Variants in ABCG1 observed in about 807,000 individuals in gnomAD.
ABCG1 encodes the protein ATP-binding cassette sub-family G member 1.
ABCG1 carries 29 observed loss-of-function variants against 69.2 expected under a neutral mutation model. The observed-to-expected ratio is 0.42, with a 90% CI of 0.31 to 0.57. ABCG1 has a LOEUF of 0.57. Ranked by LOEUF, ABCG1 falls within the 20% of genes least tolerant of loss-of-function variation. The probability of loss-of-function intolerance (pLI) is 0.15; values close to 1 mark genes in which losing one functional copy is unlikely to be tolerated. For synonymous variants in ABCG1, 370 were observed against 374.8 expected (o/e 0.99, Z 0.15); for missense variants, 718 against 898.1 (o/e 0.80, Z 2.56).
In ABCG1 at chr21:42,282,323, G is replaced by A. The variant is rs772470306; in HGVS notation, c.638G>A (p.Arg213Gln). The change falls in exon 6 of 15, where the codon CGG (arginine) becomes CAG (glutamine). Residue 213 changes from arginine (R) to glutamine (Q), a missense_variant. Arg to Gln is a conservative substitution (Grantham distance 43). This residue lies in a region of ABCG1 where 514 missense variants were observed against 574.3 expected (regional missense o/e 0.90). Coordinates refer to ENST00000398449, the MANE Select transcript of ABCG1 (RefSeq NM_016818.3). ...GGCTTGCTGTCTTGCGCCAACACGC[G>A]GACCGGGAGCCTGTCAGGTGGTCAG... ...ALGLLSCANT[R>Q]TGSLSGGQRK... 3.7e-6 allele frequency: 6 copies of A among 1,613,384 alleles called. No individual in the cohort carries two copies. Among genetic ancestry groups the A allele is most frequent in the East Asian group, 2.2e-5 (1 of 44,880 alleles).
At position 42,219,220 on chromosome 21, in the gene ABCG1, TCCC is replaced by T. The variant is rs2067680279; in HGVS notation, c.-41_-39del. The stretch of plus-strand genomic sequence containing the variant: ...CCTCGGCCCCGCAGCTCAAGCCTCG[TCCC>T]CGCCGCCGCCGCCGCCGCCGCCGCC... On this transcript the variant is annotated 5_prime_UTR_variant, in exon 1 of 15. Transcript: ENST00000398449. The surrounding 1 kb of genome is among the most constrained non-coding windows in gnomAD (Gnocchi z 5.3). The T allele has an allele frequency of 7.1e-7, 1 of 1,401,334 alleles. No individual in the cohort carries two copies. The highest frequency in any genetic ancestry group is 9.5e-7 in the Non-Finnish European group (1 of 1,050,858). 86.8% of individuals were successfully genotyped at this position (1,401,334 alleles called of 1,614,324 possible). A position where few individuals can be genotyped will look rare whatever the true frequency, so the allele number is the denominator to read the frequency against.
At chr21:42,275,170 A>G (rs1569231581) in intron 4 of ABCG1, among the ~76,000 whole-genome samples, 1 of 152,154 alleles carries the variant, frequency 6.6e-6, no homozygotes, top group Non-Finnish European at 1.5e-5. Context: ...TAGCTCAGCA[A>G]AGAGAAGCAG....
At chr21:42,248,118 A>T (rs1477173301) in intron 2 of ABCG1, among the ~76,000 whole-genome samples, 1 of 152,246 alleles carries the variant, frequency 6.6e-6, no homozygotes, top group Non-Finnish European at 1.5e-5. Flanking sequence ...TAGGAAGCAT[A>T]GAGAGGAGGA....
chr21:42,225,552 C>A, intron 1 of ABCG1, 119 bp from the exon 2 acceptor site: 1 of 1,275,440 alleles, frequency 7.8e-7, no homozygotes, highest in Non-Finnish European at 1.1e-6. Flanking sequence ...GGTGCTCCTG[C>A]AGTGGAAGAA....
At chr21:42,262,551 G>A (rs535739375) in intron 2 of ABCG1, among the ~76,000 whole-genome samples, 3 of 152,252 alleles carry the variant, frequency 2.0e-5, no homozygotes, top group African/African-American at 7.2e-5. Flanking sequence ...TATTTCATGC[G>A]ATATCAGACT....
intron 2 of ABCG1, among the ~76,000 whole-genome samples, chr21:42,254,089 G>A (rs1040065591): frequency 3.3e-5 from 5 of 152,192 alleles, no homozygotes; most frequent in African/African-American, 4.8e-5. Context: ...GGGGGCAGTG[G>A]AGGGATGGAG....
At chr21:42,211,181 A>G (rs2123473281), upstream of ABCG1, among the ~76,000 whole-genome samples, 1 of 152,108 alleles carries the variant, frequency 6.6e-6, no homozygotes. Flanking sequence ...GATGGTCTCA[A>G]TCTCTTGACC....
chr21:42,296,218 G>C lies in ABCG1; in HGVS notation c.1827G>C (p.Leu609=). 6.2e-7 allele frequency: 1 copy of C among 1,614,094 alleles called. No individual in the cohort carries two copies. The highest frequency in any genetic ancestry group is 8.5e-7 in the Non-Finnish European group (1 of 1,180,006). ...TCTATGGCTTAGACCGGGAAGATCT[G>C]CACTGTGACATCGACGAGACGTGCC... ...LSIYGLDRED[L]HCDIDETCHF... The change falls in exon 15 of 15, where the codon CTG becomes CTC. Residue 609 remains leucine, a synonymous_variant. Transcript: ENST00000398449. This position sits in a 1 kb window ranked among gnomAD's most constrained non-coding sequence, Gnocchi z 5.4.
At chr21:42,237,961 C>T (rs2068000652) in intron 2 of ABCG1, among the ~76,000 whole-genome samples, 1 of 152,214 alleles carries the variant, frequency 6.6e-6, no homozygotes, top group South Asian at 2.1e-4. Context: ...ATCTGCAGAA[C>T]AGGGCTGATC....
At chr21:42,206,538 T>A (rs925992900) in intron 2 of ABCG1, among the ~76,000 whole-genome samples, 6 of 152,122 alleles carry the variant, frequency 3.9e-5, no homozygotes, top group Non-Finnish European at 7.4e-5. Context: ...GTTATATAAA[T>A]ATTGATTAGA....
chr21:42,254,242 T>C (rs917957540), intron 2 of ABCG1, among the ~76,000 whole-genome samples: 1 of 152,234 alleles, frequency 6.6e-6, no homozygotes, highest in Non-Finnish European at 1.5e-5. Context: ...CATAGATGCT[T>C]GCAGCTTTGC....
In ABCG1 at chr21:42,273,106, T is replaced by C. The variant is rs1010505570; in HGVS notation, c.405-197T>C. Among the ~76,000 whole-genome samples, 1 of 152,202 alleles carries C rather than the reference T, an allele frequency of 6.6e-6. No individual in the cohort carries two copies. Among genetic ancestry groups the C allele is most frequent in the South Asian group, 2.1e-4 (1 of 4,830 alleles). On this transcript the variant is annotated intron_variant, in intron 3 of 14. Transcript: ENST00000398449. This position sits in a 1 kb window ranked among gnomAD's most constrained non-coding sequence, Gnocchi z 5.3. Reference sequence around the variant, plus strand: ...CTCTTCCCAGCAGGAGCTTTCTCTGTGGAATGTCTTCCTCCCGATCGCTGC... The same window carrying C: ...CTCTTCCCAGCAGGAGCTTTCTCTGCGGAATGTCTTCCTCCCGATCGCTGC...
At chr21:42,205,983 G>A (rs1169936270) in intron 2 of ABCG1, among the ~76,000 whole-genome samples, 1 of 152,052 alleles carries the variant, frequency 6.6e-6, no homozygotes, top group African/African-American at 2.4e-5. Context: ...TTTAAAGTAT[G>A]TTGTTTGGAT....
At chr21:42,279,700 G>A (rs544975628) in intron 5 of ABCG1, among the ~76,000 whole-genome samples, 3 of 152,362 alleles carry the variant, frequency 2.0e-5, no homozygotes, top group African/African-American at 7.2e-5. Flanking sequence ...CGGGGTAGCT[G>A]GTGAAAGTCG....
At chr21:42,240,751 A>C (rs1304482190) in intron 2 of ABCG1, among the ~76,000 whole-genome samples, 1 of 152,240 alleles carries the variant, frequency 6.6e-6, no homozygotes, top group Non-Finnish European at 1.5e-5. Flanking sequence ...CCCAGCCAGA[A>C]AGTTAATTTT....
intron 2 of ABCG1, among the ~76,000 whole-genome samples, chr21:42,209,116 G>T (rs2067566612): frequency 6.6e-6 from 1 of 152,228 alleles, no homozygotes. Context: ...AGGGGGCTGA[G>T]TCCACAGAAC....
chr21:42,220,626 C>A (rs994612226), intron 1 of ABCG1, among the ~76,000 whole-genome samples: 2 of 152,256 alleles, frequency 1.3e-5, no homozygotes, highest in African/African-American at 4.8e-5. Flanking sequence ...CAGGCTGACT[C>A]GCCTCTCTGG....
At chr21:42,201,447 C>A (rs1203101997) in intron 1 of ABCG1, 2 of 536,798 alleles carry the variant, frequency 3.7e-6, no homozygotes, top group Non-Finnish European at 6.5e-6. Flanking sequence ...GCTGTGTGGC[C>A]CCATTCCTAA....
intron 5 of ABCG1, among the ~76,000 whole-genome samples, chr21:42,277,805 G>A (rs1043484162): frequency 2.0e-4 from 30 of 152,328 alleles, no homozygotes; most frequent in Admixed American, 1.8e-3. Flanking sequence ...TGAAGTGATT[G>A]ATGGGACAGA....
Sources: gnomAD v4.1 joint callset for allele counts (sites outside exome capture counted in the v4.1 genomes callset) on GRCh38, gnomAD v4.1.1 for gene constraint, gnomAD v4.1.1 regional missense constraint, Gnocchi (gnomAD v3.1) non-coding constraint, MANE v1.5 for transcripts, NCBI Gene and HGNC (gene_info 2026-07-23, HGNC 2026-07-21) for gene names.